The following SLC38A11 variants were observed in gnomAD, a reference collection of about 807,000 sequenced individuals.
SLC38A11 encodes solute carrier family 38 member 11, also known as putative sodium-coupled neutral amino acid transporter 11.
In SLC38A11, 51 loss-of-function variants were observed where a neutral mutation model predicts 49.4. That is an observed-to-expected ratio of 1.03 (90% CI 0.83 to 1.30). The LOEUF is 1.30. Ranked by LOEUF, SLC38A11 falls within the 50% of genes most tolerant of loss-of-function variation. The pLI is 0.00. For synonymous variants in SLC38A11, 203 were observed against 192.9 expected (o/e 1.05, Z -0.43); for missense variants, 574 against 556.2 (o/e 1.03, Z -0.32).
chr2:164,911,872 T>C, intron 9 of SLC38A11, 124 bp from the exon 10 acceptor site: 2 of 529,228 alleles, frequency 3.8e-6, no homozygotes, highest in South Asian at 3.2e-5. Flanking sequence ...ATGATTACAA[T>C]GCTGTATTTT....
chr2:164,948,563 C>T (rs559521342), intron 3 of SLC38A11, among the ~76,000 whole-genome samples: 2 of 152,268 alleles, frequency 1.3e-5, no homozygotes, highest in South Asian at 4.1e-4. Context: ...ATTAAAATCC[C>T]AACTCTATTG....
At chr2:164,947,721 G>A (rs1247854849) in intron 3 of SLC38A11, among the ~76,000 whole-genome samples, 3 of 152,068 alleles carry the variant, frequency 2.0e-5, no homozygotes, top group Admixed American at 6.6e-5. Flanking sequence ...AATTTCCCCA[G>A]ACTTATCTTA....
chr2:164,936,805 G>A (rs1687402037), intron 7 of SLC38A11, among the ~76,000 whole-genome samples: 1 of 151,150 alleles, frequency 6.6e-6, no homozygotes, highest in Admixed American at 6.6e-5. Context: ...TTTTAAAATT[G>A]GGGGAACTAA....
intron 5 of SLC38A11, among the ~76,000 whole-genome samples, chr2:164,940,011 T>C (rs1687646053): frequency 7.5e-6 from 1 of 133,738 alleles, no homozygotes; most frequent in African/African-American, 2.7e-5. Context: ...TTTTTTTTTT[T>C]CTATACGCAA....
chr2:164,905,061 C>T (rs74269940), intron 11 of SLC38A11, among the ~76,000 whole-genome samples: 19,329 of 152,016 alleles, frequency 0.13, 1,547 homozygotes, highest in East Asian at 0.32. Flanking sequence ...TACTGCAAAG[C>T]ACCTGGTACA....
In SLC38A11 at chr2:164,894,685, C is replaced by A. The variant is rs1423062046; in HGVS notation, c.*3752G>T. 6.6e-6 allele frequency among the ~76,000 whole-genome samples: 1 copy of A among 152,100 alleles called. No homozygotes were observed. Among genetic ancestry groups the A allele is most frequent in the African/African-American group, 2.4e-5 (1 of 41,424 alleles). ...AACTGTGTTGATTTGGGGTTGTAATCTCTATTTTCTCCCTTGTTAATTCTC... is the reference window on the plus strand; with the variant it reads ...AACTGTGTTGATTTGGGGTTGTAATATCTATTTTCTCCCTTGTTAATTCTC... On this transcript the variant is annotated 3_prime_UTR_variant, in exon 12 of 12. Transcript: ENST00000685975.
Position 164,911,714 on chromosome 2 carries a change from G to A in SLC38A11, c.885C>T (p.Asp295=). The change falls in exon 10 of 12, where the codon GAC becomes GAT. Residue 295 remains aspartate, a synonymous_variant. Coordinates refer to ENST00000685975, the MANE Select transcript of SLC38A11 (RefSeq NM_001351537.2). ...DLFENYCRND[D]LVTFGRFCYG... is the part of the protein sequence containing the mutation. ...AACAAAATCTTCCAAATGTTACCAG[G>A]TCATCATTTCTGCAGTAATTTTCAA... The A allele has an allele frequency of 1.2e-6, 2 of 1,604,640 alleles. No homozygotes were observed. Among genetic ancestry groups the A allele is most frequent in the Non-Finnish European group, 8.5e-7 (1 of 1,175,162 alleles).
At position 164,898,406 on chromosome 2, in the gene SLC38A11, T is replaced by C; in HGVS notation, c.*31A>G. On this transcript the variant is annotated 3_prime_UTR_variant, in exon 12 of 12. Coordinates refer to ENST00000685975, the MANE Select transcript of SLC38A11 (RefSeq NM_001351537.2). ...TAAATGTTATGTGTTTTAAAGTCTATGAAAACATACATATTTTTAAAGCAG... is the reference window on the plus strand; with the variant it reads ...TAAATGTTATGTGTTTTAAAGTCTACGAAAACATACATATTTTTAAAGCAG... The C allele has an allele frequency of 6.7e-7, 1 of 1,481,844 alleles. No homozygotes were observed. The highest frequency in any genetic ancestry group is 9.4e-7 in the Non-Finnish European group (1 of 1,068,580). 91.8% of individuals were successfully genotyped at this position (1,481,844 alleles called of 1,614,324 possible). A position where few individuals can be genotyped will look rare whatever the true frequency, so the allele number is the denominator to read the frequency against.
chr2:164,928,317 AG>A (rs1466731082), intron 7 of SLC38A11, among the ~76,000 whole-genome samples: 1 of 152,196 alleles, frequency 6.6e-6, no homozygotes, highest in Admixed American at 6.5e-5. Flanking sequence ...TTTCTTTGAC[AG>A]TGTTTGTATG....
chr2:164,913,336 A>G (rs1392148220), intron 9 of SLC38A11, among the ~76,000 whole-genome samples: 1 of 152,000 alleles, frequency 6.6e-6, no homozygotes, highest in African/African-American at 2.4e-5. Context: ...AACCTCCACT[A>G]AAAAAATGAG....
chr2:164,955,011 G>A (rs1688754880), intron 1 of SLC38A11, among the ~76,000 whole-genome samples, 198 bp downstream of exon 1: 2 of 150,236 alleles, frequency 1.3e-5, no homozygotes, highest in Admixed American at 1.3e-4. Context: ...GGAATTCAGT[G>A]ATGTGATTTT....
intron 7 of SLC38A11, among the ~76,000 whole-genome samples, chr2:164,932,086 C>G (rs761560530): frequency 1.3e-5 from 2 of 151,718 alleles, no homozygotes; most frequent in Non-Finnish European, 2.9e-5. Flanking sequence ...AAAAAATAAA[C>G]CATTAAAAAG....
intron 3 of SLC38A11, among the ~76,000 whole-genome samples, chr2:164,946,792 T>C (rs13010194): frequency 0.16 from 24,950 of 152,092 alleles, 2,332 homozygotes; most frequent in East Asian, 0.3. Context: ...TTAAGTAATA[T>C]GGAAATGCAT....
At chr2:164,906,559 T>G (rs531790018) in intron 11 of SLC38A11, among the ~76,000 whole-genome samples, 2 of 152,234 alleles carry the variant, frequency 1.3e-5, no homozygotes, top group African/African-American at 4.8e-5. Context: ...GCTTCAACAA[T>G]ACATGACACG....
intron 11 of SLC38A11, among the ~76,000 whole-genome samples, chr2:164,905,242 C>T (rs772370740): frequency 3.3e-5 from 5 of 151,920 alleles, no homozygotes; most frequent in East Asian, 1.9e-4. Context: ...CTCAGCCTCC[C>T]GAGTGGTTGG....
At chr2:164,929,868 C>G (rs1022913358) in intron 7 of SLC38A11, among the ~76,000 whole-genome samples, 7 of 149,780 alleles carry the variant, frequency 4.7e-5, no homozygotes, top group African/African-American at 1.7e-4. Context: ...ACTAAAGAAC[C>G]AAGAGAAAAC....
At position 164,954,702 on chromosome 2, in the gene SLC38A11, T is replaced by C. The variant is rs1169233128; in HGVS notation, c.83A>G (p.Tyr28Cys). The C allele has an allele frequency of 1.9e-6, 3 of 1,542,492 alleles. No homozygotes were observed. Among genetic ancestry groups the C allele is most frequent in the African/African-American group, 2.7e-5 (2 of 72,878 alleles). The part of the protein sequence containing the change: ...DRETLVSEHE[Y>C]KEKTCQSAAL... ...AGCAGACTGACAGGTTTTCTCTTTA[T>C]ACTCATGTTCAGAAACAAGGGTTTC... Residue 28 changes from tyrosine to cysteine, a missense_variant, in exon 2 of 12, where the codon TAT (tyrosine) becomes TGT (cysteine). Transcript: ENST00000685975.
At chr2:164,940,231 TA>T (rs1687669596) in intron 5 of SLC38A11, among the ~76,000 whole-genome samples, 3 of 2,480 alleles carry the variant, frequency 1.2e-3, no homozygotes, top group Non-Finnish European at 3.8e-3. Flanking sequence ...GAAAATTTTA[TA>T]TATATATATA....
At chr2:164,939,422 C>G in intron 6 of SLC38A11, 28 bp downstream of exon 6, 1 of 1,469,414 alleles carries the variant, frequency 6.8e-7, no homozygotes, top group Non-Finnish European at 9.5e-7. Flanking sequence ...AGGTACATTT[C>G]TATGCCCATT....
Sources: allele counts gnomAD v4.1 joint callset (sites outside exome capture counted in the v4.1 genomes callset), GRCh38; gene constraint gnomAD v4.1.1; transcripts MANE v1.5; gene names NCBI Gene and HGNC (gene_info 2026-07-23, HGNC 2026-07-21).